The following MTMR10 variants were observed in gnomAD, a reference collection of about 807,000 sequenced individuals.
MTMR10 encodes myotubularin related protein 10.
In MTMR10, 56 loss-of-function variants were observed where a neutral mutation model predicts 88.1. That is an observed-to-expected ratio of 0.64 (90% CI 0.51 to 0.79). The LOEUF is 0.79. Among genes scored for constraint, MTMR10 ranks in the 30% least tolerant of loss-of-function variants. The pLI is 0.00. For synonymous variants in MTMR10, 380 were observed against 340.9 expected (o/e 1.11, Z -1.26); for missense variants, 883 against 924.7 (o/e 0.95, Z 0.58).
chr15:30,937,204 TAGA>T, downstream of MTMR10: 1 of 1,614,084 alleles, frequency 6.2e-7, no homozygotes, highest in African/African-American at 1.3e-5. Context: ...GGGGCTGAAG[TAGA>T]AGTCTGCCAT....
Position 30,940,274 on chromosome 15 carries a change from ATACTT to A in MTMR10, c.*1191_*1195del, listed in dbSNP as rs10608023. The A allele has an allele frequency of 0.32, 315,798 of 984,354 alleles. 51,865 individuals are homozygous for A. The highest frequency in any genetic ancestry group is 0.34 in the Non-Finnish European group (279,275 of 829,224). The allele number at this position is 984,354 out of a possible 1,614,324, so 61.0% of individuals were successfully genotyped here. ...TAGGCTCTTGTCACACAGTTTGGAA[ATACTT>A]TACTTTAGAGAGATTCAGATCAAGC... On this transcript the variant is annotated 3_prime_UTR_variant, in exon 16 of 16. Transcript: ENST00000435680.
At chr15:30,947,422 A>G (rs1307382823) in intron 13 of MTMR10, 122 bp from the exon 14 acceptor site, 2 of 1,163,746 alleles carry the variant, frequency 1.7e-6, no homozygotes, top group African/African-American at 3.1e-5. Context: ...AGCCTAAAAC[A>G]CTTGCCTTCT....
Position 30,953,638 on chromosome 15 carries a change from T to C in MTMR10, c.1067-7A>G, listed in dbSNP as rs1288414504. The C allele has an allele frequency of 6.7e-7, 1 of 1,503,286 alleles. No individual in the cohort carries two copies. The highest frequency in any genetic ancestry group is 9.1e-7 in the Non-Finnish European group (1 of 1,104,274). 93.1% of individuals were successfully genotyped at this position (1,503,286 alleles called of 1,614,324 possible). On this transcript the variant is annotated splice_polypyrimidine_tract_variant and splice_region_variant and intron_variant, in intron 10 of 15. Coordinates refer to ENST00000435680, the MANE Select transcript of MTMR10 (RefSeq NM_017762.3). ...TCAGTTTCTTCAAAAGGCTCTGTAA[T>C]AAATTATATACATACACATTTTTAC...
the MTMR10 span, chr15:30,928,804 T>A: frequency 1.4e-6 from 2 of 1,463,838 alleles, no homozygotes; most frequent in Non-Finnish European, 1.8e-6. Flanking sequence ...TAACTTATTT[T>A]AAAAATCTGA....
chr15:30,946,434 A>G (rs769349138), intron 14 of MTMR10: 34 of 306,058 alleles, frequency 1.1e-4, no homozygotes, highest in Non-Finnish European at 1.5e-4. Context: ...GACCAGGGCC[A>G]GAACTCAGGT....
chr15:30,987,388 G>A (rs2031007100), intron 2 of MTMR10, among the ~76,000 whole-genome samples: 1 of 152,230 alleles, frequency 6.6e-6, no homozygotes, highest in Non-Finnish European at 1.5e-5. Flanking sequence ...AGAGTTTCAT[G>A]TATCAGGAAA....
At chr15:30,990,346 T>G (rs1268964689) in intron 2 of MTMR10, among the ~76,000 whole-genome samples, 5 of 152,162 alleles carry the variant, frequency 3.3e-5, no homozygotes, top group Admixed American at 2.0e-4. Flanking sequence ...GGTTCTAAAC[T>G]GAAACAAGCA....
intron 5 of MTMR10, 65 bp from the exon 6 acceptor site, chr15:30,968,075 G>A: frequency 1.7e-6 from 2 of 1,188,078 alleles, no homozygotes; most frequent in Non-Finnish European, 2.4e-6. Context: ...TGTACAATAA[G>A]GCCTTGGGCA....
Position 30,958,953 on chromosome 15 carries a change from TA to T in MTMR10, c.847-3del. ...GTTAGAGTGGCTCCAGCACCAGAGCTAGGGGAGAGGTAGAATCCTTACTTCA... is the reference window on the plus strand; with the variant it reads ...GTTAGAGTGGCTCCAGCACCAGAGCTGGGGAGAGGTAGAATCCTTACTTCA... On this transcript the variant is annotated splice_polypyrimidine_tract_variant and splice_region_variant and intron_variant, in intron 8 of 15. Coordinates refer to ENST00000435680, the MANE Select transcript of MTMR10 (RefSeq NM_017762.3). 3 of 1,614,012 alleles carry T rather than the reference TA, an allele frequency of 1.9e-6. No individual in the cohort carries two copies. The highest frequency in any genetic ancestry group is 2.5e-6 in the Non-Finnish European group (3 of 1,179,890).
At chr15:30,984,994 C>T (rs993558400) in intron 2 of MTMR10, among the ~76,000 whole-genome samples, 5 of 152,134 alleles carry the variant, frequency 3.3e-5, no homozygotes, top group Admixed American at 2.6e-4. Context: ...GAACAGGATC[C>T]CATCTCCTCA....
chr15:30,940,389 AGT>A lies in MTMR10; in HGVS notation c.*1079_*1080del. The A allele has an allele frequency of 1.0e-6, 1 of 985,400 alleles. No homozygotes were observed. The highest frequency in any genetic ancestry group is 1.2e-6 in the Non-Finnish European group (1 of 829,928). 61.0% of individuals were successfully genotyped at this position (985,400 alleles called of 1,614,324 possible). Reference sequence around the variant, plus strand: ...GCACTTCTGTCGCTATTCAAATGGCAGTGTTTTGAGAGAATCCATTTTTTTAT... The same window carrying A: ...GCACTTCTGTCGCTATTCAAATGGCAGTTTTGAGAGAATCCATTTTTTTAT... On this transcript the variant is annotated 3_prime_UTR_variant, in exon 16 of 16. Transcript: ENST00000435680.
At chr15:30,925,911 C>T in the MTMR10 span, 8 of 1,614,104 alleles carry the variant, frequency 5.0e-6, no homozygotes, top group East Asian at 8.9e-5. Context: ...TGGCACTGGC[C>T]CATTACAGAC....
chr15:30,922,290 G>A, the MTMR10 span: 1 of 1,614,018 alleles, frequency 6.2e-7, no homozygotes, highest in Non-Finnish European at 8.5e-7. Context: ...TGTCCTGACA[G>A]CAGAGGCCGA....
downstream of MTMR10, among the ~76,000 whole-genome samples, chr15:30,935,837 CT>C (rs1026590545): frequency 2.0e-5 from 3 of 151,668 alleles, no homozygotes; most frequent in Admixed American, 1.3e-4. Context: ...ATCAGAGAAT[CT>C]TTTTTTTTCC....
intron 5 of MTMR10, 164 bp from the exon 6 acceptor site, chr15:30,968,174 G>A (rs781438846): frequency 4.3e-6 from 2 of 461,814 alleles, no homozygotes; most frequent in Non-Finnish European, 7.6e-6. Context: ...CTTAAGGCCA[G>A]GTATCTCATT....
chr15:30,941,636 G>A lies in MTMR10; in HGVS notation c.2168C>T (p.Pro723Leu), dbSNP rs1387787969. The A allele has an allele frequency of 6.2e-7, 1 of 1,608,384 alleles. No individual in the cohort carries two copies. The highest frequency in any genetic ancestry group is 8.5e-7 in the Non-Finnish European group (1 of 1,177,256). The change falls in exon 16 of 16, where the codon CCT becomes CTT. Residue 723 changes from proline to leucine, a missense_variant. By Grantham distance (98) the Pro-to-Leu change is moderately conservative (BLOSUM62 -3). Around this residue, in one of 3 missense-constraint regions of MTMR10, gnomAD observed 343 missense variants for 323.2 expected, o/e 1.06. Transcript: ENST00000435680. ...TGTCCCCGAGGTGTCGGTGTGGTGA[G>A]GGCCGCTGGCGTTGAAGTACATCCT... ...QSRMYFNASG[P>L]HHTDTSGTPE...
intron 15 of MTMR10, 186 bp downstream of exon 15, chr15:30,942,704 T>C (rs2063094640): frequency 3.4e-6 from 2 of 584,496 alleles, no homozygotes; most frequent in Non-Finnish European, 5.7e-6. Flanking sequence ...TGAGACTTTG[T>C]GGGCCTCAGA....
rs2140977844 is a variant in MTMR10, at chr15:30,939,293, T to C, written c.*2177A>G. On this transcript the variant is annotated 3_prime_UTR_variant, in exon 16 of 16. Transcript: ENST00000435680. ...GTTCAATACTAGAAATTTCACCCAG[T>C]GCATCAGCATCTGTGCGGCATTCCC... The C allele has an allele frequency of 1.0e-6, 1 of 985,444 alleles. No homozygotes were observed. Among genetic ancestry groups the C allele is most frequent in the South Asian group, 4.7e-5 (1 of 21,288 alleles). 61.0% of individuals were successfully genotyped at this position (985,444 alleles called of 1,614,324 possible).
At chr15:30,930,758 G>A in the MTMR10 span, 1 of 1,509,206 alleles carries the variant, frequency 6.6e-7, no homozygotes, top group Non-Finnish European at 9.1e-7. Context: ...TTGAGTGGCT[G>A]TTGGCAAGAT....
Sources: allele counts gnomAD v4.1 joint callset (sites outside exome capture counted in the v4.1 genomes callset), GRCh38; gene constraint gnomAD v4.1.1; regional missense constraint gnomAD v4.1.1; transcripts MANE v1.5; gene names NCBI Gene and HGNC (gene_info 2026-07-23, HGNC 2026-07-21).